TCF4: variants seen among roughly 807,000 people sequenced by gnomAD.
TCF4 encodes the protein transcription factor 4, also known as SL3-3 enhancer factor 2.
In TCF4, 3 loss-of-function variants were observed where a neutral mutation model predicts 82.1. The ratio of observed to expected loss-of-function variants is 0.04; its 90% CI spans 0.02 to 0.09. TCF4 has a LOEUF of 0.09. Ranked by LOEUF, TCF4 falls within the 10% of genes least tolerant of loss-of-function variation. TCF4 has a pLI of 1.00. For missense variants in TCF4, 518 were observed against 852.7 expected, an observed-to-expected ratio of 0.61 and a Z score of 4.89; for synonymous variants, 276 against 309.6, an observed-to-expected ratio of 0.89 and a Z score of 1.14.
At chr18:55,531,329 G>A (rs1044175791) in intron 3 of TCF4, among the ~76,000 whole-genome samples, 5 of 152,102 alleles carry the variant, frequency 3.3e-5, no homozygotes, top group Admixed American at 3.3e-4. Flanking sequence ...CAGCTCTAAG[G>A]ATAGGTACTG....
chr18:55,254,789 ACT>A lies in TCF4; in HGVS notation c.1147-91_1147-90del. On this transcript the variant is annotated intron_variant, in intron 14 of 19. Coordinates refer to ENST00000354452, the MANE Select transcript of TCF4 (RefSeq NM_001083962.2). The stretch of plus-strand genomic sequence containing the variant: ...TAAAATTTTAGTCGACAAAAAACAC[ACT>A]GTGTTTCTAAATACATGTTTCCAAT... The A allele has an allele frequency of 3.5e-6, 4 of 1,153,184 alleles. No homozygotes were observed. In the South Asian group the frequency reaches 4.0e-5, roughly 11 times the overall value. 71.4% of individuals were successfully genotyped at this position (1,153,184 alleles called of 1,614,324 possible).
At chr18:55,374,832 C>T (rs2145686644) in intron 6 of TCF4, among the ~76,000 whole-genome samples, 1 of 140,836 alleles carries the variant, frequency 7.1e-6, no homozygotes, top group Middle Eastern at 3.8e-3. Context: ...CACACCACTG[C>T]ACTCCATTCC....
intron 15 of TCF4, among the ~76,000 whole-genome samples, chr18:55,252,875 G>T (rs1164018059): frequency 1.3e-5 from 2 of 152,038 alleles, no homozygotes; most frequent in Non-Finnish European, 2.9e-5. Flanking sequence ...AGAAAAAAAA[G>T]AGCTGTACAA....
intron 15 of TCF4, among the ~76,000 whole-genome samples, chr18:55,239,618 G>A (rs886562965): frequency 3.3e-5 from 5 of 152,100 alleles, no homozygotes; most frequent in Non-Finnish European, 7.3e-5. Flanking sequence ...ATTGCAGGGG[G>A]AAAATCATAG....
chr18:55,344,363 T>G (rs151165794), intron 8 of TCF4, among the ~76,000 whole-genome samples: 43 of 152,276 alleles, frequency 2.8e-4, no homozygotes, highest in African/African-American at 8.9e-4. Context: ...ACAGTTAAGC[T>G]GGATGCCATA....
At chr18:55,446,734 C>T (rs1205594482) in intron 5 of TCF4, among the ~76,000 whole-genome samples, 1 of 152,098 alleles carries the variant, frequency 6.6e-6, no homozygotes, top group Non-Finnish European at 1.5e-5. Context: ...CCTGTAATCC[C>T]AGTACTTTGG....
At chr18:55,318,713 T>C (rs550382820) in intron 8 of TCF4, among the ~76,000 whole-genome samples, 1 of 152,266 alleles carries the variant, frequency 6.6e-6, no homozygotes, top group East Asian at 1.9e-4. Context: ...TTGTGGGATA[T>C]GGACATGGAA....
At chr18:55,485,670 T>C (rs2096503683) in intron 3 of TCF4, among the ~76,000 whole-genome samples, 1 of 152,172 alleles carries the variant, frequency 6.6e-6, no homozygotes, top group Non-Finnish European at 1.5e-5. Flanking sequence ...TAAAAAGCAT[T>C]TTTTCTTTTG....
At chr18:55,349,060 T>G (rs942935324) in intron 8 of TCF4, among the ~76,000 whole-genome samples, 2 of 152,130 alleles carry the variant, frequency 1.3e-5, no homozygotes, top group Non-Finnish European at 2.9e-5. Context: ...TCAATTTCAA[T>G]ACAACACAGA....
In TCF4 at chr18:55,618,199, T is replaced by A. The variant is rs532104499; in HGVS notation, c.286+13099A>T. The stretch of plus-strand genomic sequence containing the variant: ...GTTTTGAATTTCATCAAATACTTCT[T>A]CTTCATCTATTGAAATGATGATGTG... On this transcript the variant is annotated intron_variant, in intron 2 of 20. Coordinates refer to the TCF4 transcript ENST00000398339. 3.7e-4 allele frequency among the ~76,000 whole-genome samples: 56 copies of A among 152,310 alleles called. No homozygotes were observed. In the Middle Eastern group the frequency reaches 0.014, roughly 37 times the overall value.
At chr18:55,276,405 T>C (rs1299346664) in intron 9 of TCF4, among the ~76,000 whole-genome samples, 1 of 152,206 alleles carries the variant, frequency 6.6e-6, no homozygotes, top group Non-Finnish European at 1.5e-5. Context: ...CCTAGGTAGC[T>C]ATTATATTAC....
At chr18:55,628,423 A>T (rs981881157) in intron 2 of TCF4, among the ~76,000 whole-genome samples, 25 of 152,248 alleles carry the variant, frequency 1.6e-4, no homozygotes, top group Middle Eastern at 3.4e-3. Context: ...AATTCTTTTT[A>T]AAAAAACTTT....
intron 3 of TCF4, among the ~76,000 whole-genome samples, chr18:55,525,956 T>C (rs929031016): frequency 6.6e-6 from 1 of 152,194 alleles, no homozygotes; most frequent in African/African-American, 2.4e-5. Flanking sequence ...GAAGATACAA[T>C]AAAATTACCA....
At chr18:55,386,071 A>G (rs1160136749) in intron 6 of TCF4, among the ~76,000 whole-genome samples, 2 of 152,164 alleles carry the variant, frequency 1.3e-5, no homozygotes, top group Non-Finnish European at 2.9e-5. Flanking sequence ...CAACTCTCCA[A>G]CATCAACACC....
intron 8 of TCF4, among the ~76,000 whole-genome samples, chr18:55,297,346 G>A (rs1283311087): frequency 6.6e-6 from 1 of 151,990 alleles, no homozygotes; most frequent in African/African-American, 2.4e-5. Context: ...GTATCATACT[G>A]TATTTTCCTG....
At chr18:55,568,159 CTATT>C (rs1393877794) in intron 3 of TCF4, among the ~76,000 whole-genome samples, 1 of 142,668 alleles carries the variant, frequency 7.0e-6, no homozygotes, top group African/African-American at 2.7e-5. Context: ...GTAGTCAACT[CTATT>C]TAGAAAAAAA....
chr18:55,314,829 A>G (rs1314273507), intron 8 of TCF4, among the ~76,000 whole-genome samples: 1 of 152,080 alleles, frequency 6.6e-6, no homozygotes, highest in African/African-American at 2.4e-5. Context: ...AACTATTTTT[A>G]AAATGGTGTG....
chr18:55,356,199 A>T (rs1045696755), intron 6 of TCF4, among the ~76,000 whole-genome samples: 6 of 152,184 alleles, frequency 3.9e-5, no homozygotes, highest in Non-Finnish European at 8.8e-5. Flanking sequence ...TATTGAAAAG[A>T]TGCACCAAAA....
chr18:55,353,798 A>T (rs1402905344), intron 6 of TCF4, among the ~76,000 whole-genome samples: 1 of 152,202 alleles, frequency 6.6e-6, no homozygotes, highest in Non-Finnish European at 1.5e-5. Flanking sequence ...AAAATGGATA[A>T]GGTATTTGTT....
Sources: gnomAD v4.1 joint callset for allele counts (sites outside exome capture counted in the v4.1 genomes callset) on GRCh38, gnomAD v4.1.1 for gene constraint, MANE v1.5 for transcripts, NCBI Gene and HGNC (gene_info 2026-07-23, HGNC 2026-07-21) for gene names.